The following ADRA1B variants were observed in gnomAD, a reference collection of about 807,000 sequenced individuals.
ADRA1B encodes adrenoceptor alpha 1B.
ADRA1B carries 17 observed loss-of-function variants against 17.9 expected under a neutral mutation model. That is an observed-to-expected ratio of 0.95 (90% confidence interval 0.65 to 1.42). The LOEUF (loss-of-function observed/expected upper bound fraction) is 1.42. Ranked by LOEUF, ADRA1B falls within the 40% of genes most tolerant of loss-of-function variation. The pLI, the probability that ADRA1B is intolerant of heterozygous loss-of-function variation, is 0.00. For missense variants in ADRA1B, 681 were observed against 722.1 expected (o/e 0.94, Z 0.65); for synonymous variants, 366 against 327.6 (o/e 1.12, Z -1.27).
intron 1 of ADRA1B, among the ~76,000 whole-genome samples, chr5:159,949,533 A>G (rs569129067): frequency 2.6e-5 from 4 of 152,338 alleles, no homozygotes; most frequent in South Asian, 2.1e-4. Flanking sequence ...CATCAACAAC[A>G]TGAAAACTAA....
At chr5:159,948,252 C>T (rs1262554947) in intron 1 of ADRA1B, 2 of 985,320 alleles carry the variant, frequency 2.0e-6, no homozygotes, top group Non-Finnish European at 2.4e-6. Context: ...TGTGAAAGCT[C>T]CGCAGGTTAA....
intron 1 of ADRA1B, among the ~76,000 whole-genome samples, chr5:159,876,295 G>C (rs758195628): frequency 2.0e-5 from 3 of 152,182 alleles, no homozygotes; most frequent in Non-Finnish European, 2.9e-5. Flanking sequence ...GCTCTGCATC[G>C]GCTTCTGTGC....
At chr5:159,866,545 C>T (rs902660697) in intron 1 of ADRA1B, among the ~76,000 whole-genome samples, 2 of 151,314 alleles carry the variant, frequency 1.3e-5, no homozygotes, top group African/African-American at 4.9e-5. Flanking sequence ...TGAGATCGCG[C>T]CACTGCATTA....
intron 1 of ADRA1B, among the ~76,000 whole-genome samples, chr5:159,945,808 C>A (rs1408618832): frequency 6.7e-6 from 1 of 149,374 alleles, no homozygotes; most frequent in Non-Finnish European, 1.5e-5. Flanking sequence ...AGTGCAGTGG[C>A]GCGATCTCGG....
intron 1 of ADRA1B, among the ~76,000 whole-genome samples, chr5:159,931,214 A>AC (rs35597556): frequency 6.7e-5 from 10 of 149,328 alleles, no homozygotes; most frequent in Admixed American, 1.3e-4. Flanking sequence ...ACATAGGGAG[A>AC]CCCCCCATCT....
chr5:159,984,048 A>G, the ADRA1B span, among the ~76,000 whole-genome samples: 8 of 151,778 alleles, frequency 5.3e-5, no homozygotes, highest in Non-Finnish European at 2.9e-5. Context: ...TGACTGATAC[A>G]CTGCTTTTTA....
At chr5:159,933,631 C>A (rs1754873056) in intron 1 of ADRA1B, among the ~76,000 whole-genome samples, 1 of 152,204 alleles carries the variant, frequency 6.6e-6, no homozygotes, top group African/African-American at 2.4e-5. Flanking sequence ...GGATGCAACA[C>A]CCATCCATCA....
intron 1 of ADRA1B, among the ~76,000 whole-genome samples, chr5:159,920,013 G>C (rs558608576): frequency 7.5e-4 from 114 of 152,130 alleles, no homozygotes; most frequent in Non-Finnish European, 5.7e-4. Flanking sequence ...TTAGATTAAG[G>C]GATCTCAAAC....
At chr5:159,986,516 C>T in the ADRA1B span, among the ~76,000 whole-genome samples, 6 of 152,292 alleles carry the variant, frequency 3.9e-5, no homozygotes, top group Non-Finnish European at 5.9e-5. Flanking sequence ...TTATTTGAAC[C>T]GACAGCTTTT....
At chr5:159,877,573 T>G (rs1157191879) in intron 1 of ADRA1B, among the ~76,000 whole-genome samples, 1 of 152,196 alleles carries the variant, frequency 6.6e-6, no homozygotes, top group Non-Finnish European at 1.5e-5. Context: ...GAGCAGCCAC[T>G]AGGGCAGTGG....
intron 1 of ADRA1B, among the ~76,000 whole-genome samples, chr5:159,955,735 C>G (rs1186886248): frequency 6.6e-6 from 1 of 152,094 alleles, no homozygotes; most frequent in African/African-American, 2.4e-5. Context: ...AAGCTGAACA[C>G]AAGGCTAAGA....
chr5:159,968,321 T>C (rs1054715001), intron 1 of ADRA1B, among the ~76,000 whole-genome samples: 1 of 152,166 alleles, frequency 6.6e-6, no homozygotes, highest in South Asian at 2.1e-4. Context: ...ACAAGATAAA[T>C]GCTGGCTATG....
intron 1 of ADRA1B, among the ~76,000 whole-genome samples, chr5:159,957,929 C>CAAAAAACAAAAA (rs1755588580): frequency 1.5e-5 from 1 of 66,850 alleles, no homozygotes; most frequent in Non-Finnish European, 2.7e-5. Context: ...AACCCCATCT[C>CAAAAAACAAAAA]AAAAAAAAAA....
At chr5:159,950,965 G>A (rs1353614700) in intron 1 of ADRA1B, 27 of 595,376 alleles carry the variant, frequency 4.5e-5, no homozygotes, top group African/African-American at 1.3e-4. Flanking sequence ...CAGTGATGGC[G>A]TGGACTGTAT....
At chr5:159,904,195 T>TATGGGTCTGGACATTAGAGACC (rs1192429926) in intron 1 of ADRA1B, among the ~76,000 whole-genome samples, 3 of 152,226 alleles carry the variant, frequency 2.0e-5, no homozygotes, top group Non-Finnish European at 2.9e-5. Flanking sequence ...TTTTTAAGAC[T>TATGGGTCTGGACATTAGAGACC]ATGGGTCTGG....
chr5:159,983,281 G>A, the ADRA1B span, among the ~76,000 whole-genome samples: 1 of 152,168 alleles, frequency 6.6e-6, no homozygotes, highest in South Asian at 2.1e-4. Flanking sequence ...GTCCAGGGCT[G>A]TGATCTGTCC....
intron 1 of ADRA1B, among the ~76,000 whole-genome samples, chr5:159,939,944 C>T (rs1326705442): frequency 6.6e-6 from 1 of 152,170 alleles, no homozygotes; most frequent in Non-Finnish European, 1.5e-5. Flanking sequence ...GATCTCTGTC[C>T]TCACTCCATG....
chr5:159,979,159 CTA>C, the ADRA1B span, among the ~76,000 whole-genome samples: 1 of 126,192 alleles, frequency 7.9e-6, no homozygotes, highest in Non-Finnish European at 1.9e-5. Flanking sequence ...GACCCTATCT[CTA>C]CAAAAAAAAA....
intron 1 of ADRA1B, among the ~76,000 whole-genome samples, chr5:159,937,086 T>C (rs1471939752): frequency 6.6e-6 from 1 of 152,184 alleles, no homozygotes; most frequent in Non-Finnish European, 1.5e-5. Context: ...CCAAGCCCTC[T>C]GGGTACTACT....
Sources: gnomAD v4.1 joint callset for allele counts (sites outside exome capture counted in the v4.1 genomes callset) on GRCh38, gnomAD v4.1.1 for gene constraint, MANE v1.5 for transcripts, NCBI Gene and HGNC (gene_info 2026-07-23, HGNC 2026-07-21) for gene names.